The following MICOS10 variants were observed in gnomAD, a reference collection of about 807,000 sequenced individuals.
The protein encoded by MICOS10 is mitochondrial contact site and cristae organizing system subunit 10.
MICOS10 carries 5 observed loss-of-function variants against 13.4 expected under a neutral mutation model. The observed-to-expected ratio is 0.37, with a 90% CI of 0.20 to 0.78. The LOEUF is 0.78. MICOS10 is among the 30% of genes least tolerant of loss of function. The pLI is 0.47. For missense variants in MICOS10, 101 were observed against 94.6 expected (o/e 1.07, Z -0.28); for synonymous variants, 35 against 33.6 (o/e 1.04, Z -0.15).
At chr1:19,618,678 G>T (rs986271207) in intron 1 of MICOS10, among the ~76,000 whole-genome samples, 3 of 152,176 alleles carry the variant, frequency 2.0e-5, no homozygotes, top group African/African-American at 7.2e-5. Flanking sequence ...CTGTCTTGCT[G>T]CAGCATCAGT....
At chr1:19,613,476 C>T (rs1340463558) in intron 1 of MICOS10, among the ~76,000 whole-genome samples, 6 of 152,152 alleles carry the variant, frequency 3.9e-5, no homozygotes, top group Non-Finnish European at 8.8e-5. Flanking sequence ...TATCTCTTGC[C>T]ACCTTACCTC....
intron 1 of MICOS10, among the ~76,000 whole-genome samples, chr1:19,605,851 G>GC (rs1050135791): frequency 2.0e-5 from 3 of 152,074 alleles, no homozygotes; most frequent in Non-Finnish European, 4.4e-5. Context: ...ATGGTGCTCA[G>GC]CCCCCCAGTT....
At chr1:19,624,615 A>C (rs879819955) in intron 3 of MICOS10, among the ~76,000 whole-genome samples, 6 of 152,088 alleles carry the variant, frequency 3.9e-5, no homozygotes, top group Non-Finnish European at 8.8e-5. Flanking sequence ...TGCTGCACAC[A>C]AGCTGGAAAC....
intron 1 of MICOS10, among the ~76,000 whole-genome samples, chr1:19,613,212 T>C (rs537318039): frequency 6.6e-6 from 1 of 152,284 alleles, no homozygotes; most frequent in Middle Eastern, 3.4e-3. Context: ...TGCAGTTGCT[T>C]TGGGGCTGCA....
In MICOS10 at chr1:19,626,374, C is replaced by T; in HGVS notation, c.223-13C>T. On this transcript the variant is annotated splice_polypyrimidine_tract_variant and intron_variant, in intron 3 of 3. Coordinates refer to ENST00000322753, the MANE Select transcript of MICOS10 (RefSeq NM_001032363.4). ...GTCTGCACAGTTTTAAGCTGAATGT[C>T]CTTGCTTTACAGGAGCAGGAGCAGT... 6.2e-7 allele frequency: 1 copy of T among 1,613,934 alleles called. No homozygotes were observed. The highest frequency in any genetic ancestry group is 8.5e-7 in the Non-Finnish European group (1 of 1,179,858).
intron 1 of MICOS10, among the ~76,000 whole-genome samples, chr1:19,617,086 T>TA (rs2094886978): frequency 6.6e-6 from 1 of 152,214 alleles, no homozygotes; most frequent in Non-Finnish European, 1.5e-5. Flanking sequence ...TTGGGAGCTG[T>TA]ATGGCTGTCA....
intron 1 of MICOS10, among the ~76,000 whole-genome samples, chr1:19,614,224 A>G (rs553394488): frequency 1.2e-4 from 18 of 151,966 alleles, no homozygotes; most frequent in African/African-American, 4.3e-4. Context: ...GTGTTAAAAG[A>G]TTATCTGATG....
rs921667727 is a variant in MICOS10 at position 19,629,140 on chromosome 1, G to T, written c.*2739G>T. The T allele has an allele frequency of 1.3e-5, 2 of 152,260 alleles. No homozygotes were observed. The highest frequency in any genetic ancestry group is 4.8e-5 in the African/African-American group (2 of 41,456). 9.4% of individuals were successfully genotyped at this position (152,260 alleles called of 1,614,324 possible). On this transcript the variant is annotated 3_prime_UTR_variant, in exon 4 of 4. Coordinates refer to ENST00000322753, the MANE Select transcript of MICOS10 (RefSeq NM_001032363.4). The stretch of plus-strand genomic sequence containing the variant: ...ACCTTCAGAAAGTCCCGGCTTGTTG[G>T]CAAAGGCACACATTCTGTGTTACTC...
At chr1:19,601,008 G>A (rs878876290) in intron 1 of MICOS10, 2 of 1,289,332 alleles carry the variant, frequency 1.6e-6, no homozygotes, top group Admixed American at 4.6e-5. Context: ...TATACCTAAA[G>A]TGTTTTGCTT....
At chr1:19,607,898 G>A (rs988162025) in intron 1 of MICOS10, among the ~76,000 whole-genome samples, 12 of 152,128 alleles carry the variant, frequency 7.9e-5, no homozygotes, top group African/African-American at 2.4e-4. Context: ...ATAAAGTCCA[G>A]AAATAGACCC....
intron 1 of MICOS10, among the ~76,000 whole-genome samples, chr1:19,611,413 A>G (rs2094860661): frequency 6.7e-6 from 1 of 150,038 alleles, no homozygotes; most frequent in South Asian, 2.1e-4. Context: ...AATTCTATGT[A>G]TTCCCAGAAA....
At chr1:19,597,546 AT>A (rs1470297632) in intron 1 of MICOS10, among the ~76,000 whole-genome samples, 1 of 152,192 alleles carries the variant, frequency 6.6e-6, no homozygotes, top group African/African-American at 2.4e-5. Context: ...CACCTGGAGC[AT>A]TTCATAGACA....
At chr1:19,601,955 C>A (rs1274193481) in intron 1 of MICOS10, among the ~76,000 whole-genome samples, 2 of 152,218 alleles carry the variant, frequency 1.3e-5, no homozygotes, top group African/African-American at 4.8e-5. Flanking sequence ...CCTAGTTCAT[C>A]TATAAAGTTT....
chr1:19,624,292 T>A (rs2094914811), intron 3 of MICOS10, among the ~76,000 whole-genome samples: 1 of 152,034 alleles, frequency 6.6e-6, no homozygotes, highest in African/African-American at 2.4e-5. Context: ...TATTTTATTT[T>A]ATTTATTTTG....
At chr1:19,625,919 A>G (rs370688460) in intron 3 of MICOS10, among the ~76,000 whole-genome samples, 94 of 152,252 alleles carry the variant, frequency 6.2e-4, no homozygotes, top group African/African-American at 1.9e-3. Context: ...TGAGTGCCCA[A>G]TCTGCCCCCA....
intron 1 of MICOS10, among the ~76,000 whole-genome samples, chr1:19,605,088 G>A (rs1173108226): frequency 6.6e-6 from 1 of 152,126 alleles, no homozygotes; most frequent in Non-Finnish European, 1.5e-5. Flanking sequence ...CCCTCCTTTA[G>A]GATCACAGGC....
chr1:19,597,053 A>T lies in MICOS10; in HGVS notation c.8A>T (p.Glu3Val). MS[E>V]SELGRKWDRC... The stretch of plus-strand genomic sequence containing the variant: ...GAGGCGCGGGTGGGGAACATGTCTG[A>T]GTCGGAGCTCGGCAGGAAGTGGGAC... Residue 3 changes from glutamate (E) to valine (V), a missense_variant, in exon 1 of 4, where the codon GAG (glutamate) becomes GTG (valine). By Grantham distance (121) the Glu-to-Val change is moderately radical. Coordinates refer to ENST00000322753, the MANE Select transcript of MICOS10 (RefSeq NM_001032363.4). 6.3e-7 allele frequency: 1 copy of T among 1,592,252 alleles called. No individual in the cohort carries two copies. Among genetic ancestry groups the T allele is most frequent in the Non-Finnish European group, 8.5e-7 (1 of 1,171,798 alleles).
chr1:19,608,580 CA>C, intron 1 of MICOS10: 1 of 813,420 alleles, frequency 1.2e-6, no homozygotes, highest in Non-Finnish European at 2.1e-6. Context: ...CAAGATTCCT[CA>C]AAATATTTTC....
chr1:19,605,612 T>C (rs2094831722), intron 1 of MICOS10, among the ~76,000 whole-genome samples: 1 of 152,258 alleles, frequency 6.6e-6, no homozygotes, highest in Admixed American at 6.5e-5. Context: ...TACCAAATAA[T>C]GTTGTGTGGT....
Sources: gnomAD v4.1 joint callset for allele counts (sites outside exome capture counted in the v4.1 genomes callset) on GRCh38, gnomAD v4.1.1 for gene constraint, MANE v1.5 for transcripts, NCBI Gene and HGNC (gene_info 2026-07-23, HGNC 2026-07-21) for gene names.